The following SUSD6 variants were observed in gnomAD, a reference collection of about 807,000 sequenced individuals.
SUSD6 encodes the protein sushi domain containing 6.
Under a neutral mutation model 28.4 loss-of-function variants are expected in SUSD6, and 16 were observed. The ratio of observed to expected loss-of-function variants is 0.56; its 90% confidence interval spans 0.38 to 0.86. The LOEUF is 0.86. Among genes scored for constraint, SUSD6 ranks in the 40% least tolerant of loss-of-function variants. The pLI, the probability that SUSD6 is intolerant of heterozygous loss-of-function variation, is 0.00. For synonymous variants in SUSD6, 147 were observed against 159.6 expected (o/e 0.92, Z 0.59); for missense variants, 341 against 384.2 (o/e 0.89, Z 0.94).
At chr14:69,681,361 C>A (rs1885994931) in intron 2 of SUSD6, among the ~76,000 whole-genome samples, 1 of 152,106 alleles carries the variant, frequency 6.6e-6, no homozygotes, top group Admixed American at 6.5e-5. Flanking sequence ...CCTTTAGCAG[C>A]CTAAAAAAAT....
At chr14:69,668,675 C>T (rs1885782033) in intron 2 of SUSD6, among the ~76,000 whole-genome samples, 1 of 151,680 alleles carries the variant, frequency 6.6e-6, no homozygotes, top group South Asian at 2.1e-4. Context: ...AAAGTATACC[C>T]CTACCAAATC....
chr14:69,664,296 G>C (rs188196793), intron 2 of SUSD6, among the ~76,000 whole-genome samples: 1 of 152,200 alleles, frequency 6.6e-6, no homozygotes, highest in Admixed American at 6.5e-5. Flanking sequence ...GGTTGTTTCT[G>C]TTCTCATCTA....
chr14:69,653,854 G>T (rs1885540521), intron 1 of SUSD6, among the ~76,000 whole-genome samples: 1 of 141,518 alleles, frequency 7.1e-6, no homozygotes, highest in Admixed American at 7.7e-5. Flanking sequence ...AAAATGATTA[G>T]ATTTATACTG....
At chr14:69,681,293 G>A (rs1269348550) in intron 2 of SUSD6, among the ~76,000 whole-genome samples, 1 of 152,174 alleles carries the variant, frequency 6.6e-6, no homozygotes, top group African/African-American at 2.4e-5. Flanking sequence ...CCTGCTCAGG[G>A]AAAAAATTCT....
At chr14:69,614,013 TTGTC>T (rs1180390352) in intron 1 of SUSD6, among the ~76,000 whole-genome samples, 11 of 152,352 alleles carry the variant, frequency 7.2e-5, no homozygotes, top group African/African-American at 2.2e-4. Flanking sequence ...CCTCAGCACT[TTGTC>T]TGTTTTCCTG....
At chr14:69,638,448 G>GTT (rs1326247765) in intron 1 of SUSD6, among the ~76,000 whole-genome samples, 1 of 151,464 alleles carries the variant, frequency 6.6e-6, no homozygotes, top group Non-Finnish European at 1.5e-5. Context: ...GTGTGTGTGT[G>GTT]TGTGTGTGTG....
In SUSD6 at chr14:69,712,559, G is replaced by C. The variant is rs1203494902; in HGVS notation, c.*1580G>C. 5 of 152,170 alleles carry C rather than the reference G, an allele frequency of 3.3e-5. No homozygotes were observed. The East Asian group carries it at 7.7e-4, about 23-fold the overall frequency. 9.4% of individuals were successfully genotyped at this position (152,170 alleles called of 1,614,324 possible). A position where few individuals can be genotyped will look rare whatever the true frequency, so the allele number is the denominator to read the frequency against. On this transcript the variant is annotated 3_prime_UTR_variant, in exon 6 of 6. Coordinates refer to ENST00000342745, the MANE Select transcript of SUSD6 (RefSeq NM_014734.4). ...GCTCCTCCCCTGAGCCTGTCTGCTT[G>C]GGGGTGGTAAAAATAAAAATCCCAG...
chr14:69,695,512 A>T (rs1344882935), intron 2 of SUSD6, among the ~76,000 whole-genome samples: 3 of 152,194 alleles, frequency 2.0e-5, no homozygotes. Flanking sequence ...GCCTTCATGT[A>T]TTGAAACTGA....
At chr14:69,654,377 TAAAC>T (rs760180940) in intron 1 of SUSD6, among the ~76,000 whole-genome samples, 2 of 152,208 alleles carry the variant, frequency 1.3e-5, no homozygotes, top group African/African-American at 2.4e-5. Context: ...GTGAGACAGA[TAAAC>T]AAATAGATAC....
At chr14:69,683,598 G>A (rs1886029370) in intron 2 of SUSD6, among the ~76,000 whole-genome samples, 1 of 152,164 alleles carries the variant, frequency 6.6e-6, no homozygotes, top group Non-Finnish European at 1.5e-5. Flanking sequence ...AGGCTGAGCT[G>A]AGGCCATGAT....
At chr14:69,613,886 G>A (rs889017366) in intron 1 of SUSD6, among the ~76,000 whole-genome samples, 9 of 152,154 alleles carry the variant, frequency 5.9e-5, no homozygotes, top group African/African-American at 1.9e-4. Context: ...ACTGTCAAAT[G>A]GGCAAGTTTG....
At position 69,712,842 on chromosome 14, in the gene SUSD6, G is replaced by A. The variant is rs540940100; in HGVS notation, c.*1863G>A. ...CCTCCCCCAGGAGCCCTCATCTGCT[G>A]TGCTGAGTCCAGGAAAGCATAGTTA... On this transcript the variant is annotated 3_prime_UTR_variant, in exon 6 of 6. Transcript: ENST00000342745. 1 of 152,826 alleles carries A rather than the reference G, an allele frequency of 6.5e-6. No individual in the cohort carries two copies. Among genetic ancestry groups the A allele is most frequent in the South Asian group, 2.1e-4 (1 of 4,826 alleles). 9.5% of individuals were successfully genotyped at this position (152,826 alleles called of 1,614,324 possible). A position where few individuals can be genotyped will look rare whatever the true frequency, so the allele number is the denominator to read the frequency against.
chr14:69,647,251 T>C (rs1377189061), intron 1 of SUSD6, among the ~76,000 whole-genome samples: 1 of 152,220 alleles, frequency 6.6e-6, no homozygotes, highest in Non-Finnish European at 1.5e-5. Flanking sequence ...GAAGACTCTT[T>C]TGAAAGATAA....
At chr14:69,640,135 C>A (rs1389035037) in intron 1 of SUSD6, among the ~76,000 whole-genome samples, 1 of 151,538 alleles carries the variant, frequency 6.6e-6, no homozygotes, top group African/African-American at 2.4e-5. Flanking sequence ...CACCTTAATG[C>A]CTCCTCCAGG....
chr14:69,631,393 A>G (rs1036826869), intron 1 of SUSD6, among the ~76,000 whole-genome samples: 1 of 152,198 alleles, frequency 6.6e-6, no homozygotes, highest in Admixed American at 6.5e-5. Context: ...CTCTACCAAG[A>G]TTGCATGCTT....
At chr14:69,621,215 T>TA (rs1014441183) in intron 1 of SUSD6, among the ~76,000 whole-genome samples, 1 of 152,146 alleles carries the variant, frequency 6.6e-6, no homozygotes, top group Non-Finnish European at 1.5e-5. Context: ...TGTAGGGGAT[T>TA]AAAATAACAA....
At chr14:69,696,626 G>A (rs962305651) in intron 2 of SUSD6, among the ~76,000 whole-genome samples, 3 of 152,146 alleles carry the variant, frequency 2.0e-5, no homozygotes, top group Admixed American at 6.5e-5. Flanking sequence ...ATGCCCTGTC[G>A]TGTGGTTCTG....
At position 69,711,243 on chromosome 14, in the gene SUSD6, G is replaced by A. The variant is rs1161937935; in HGVS notation, c.*264G>A. On this transcript the variant is annotated 3_prime_UTR_variant, in exon 6 of 6. Coordinates refer to ENST00000342745, the MANE Select transcript of SUSD6 (RefSeq NM_014734.4). Reference sequence around the variant, plus strand: ...ATCTGTCAGAGACATATTTGAATGTGCTGGATCAAACCCTCCCTTTTCCTA... The same window carrying A: ...ATCTGTCAGAGACATATTTGAATGTACTGGATCAAACCCTCCCTTTTCCTA... The A allele has an allele frequency of 2.0e-5, 11 of 539,188 alleles. No homozygotes were observed. The highest frequency in any genetic ancestry group is 3.0e-5 in the Non-Finnish European group (9 of 301,624). The allele number at this position is 539,188 out of a possible 1,614,324, so 33.4% of individuals were successfully genotyped here.
chr14:69,673,740 A>T (rs1885867246), intron 2 of SUSD6, among the ~76,000 whole-genome samples: 1 of 151,946 alleles, frequency 6.6e-6, no homozygotes, highest in Non-Finnish European at 1.5e-5. Flanking sequence ...GCATTTTCGG[A>T]TGCCTTTCCT....
Sources: allele counts gnomAD v4.1 joint callset (sites outside exome capture counted in the v4.1 genomes callset), GRCh38; gene constraint gnomAD v4.1.1; transcripts MANE v1.5; gene names NCBI Gene and HGNC (gene_info 2026-07-23, HGNC 2026-07-21).